Variants in XIRP2 observed in about 807,000 individuals in gnomAD.
XIRP2 encodes the protein xin actin binding repeat containing 2.
In XIRP2, 236 loss-of-function variants were observed where a neutral mutation model predicts 277.0. The ratio of observed to expected loss-of-function variants is 0.85; its 90% CI spans 0.77 to 0.95. The LOEUF (loss-of-function observed/expected upper bound fraction) is 0.95. Among genes scored for constraint, XIRP2 ranks in the 40% least tolerant of loss-of-function variants. The pLI, the probability that XIRP2 is intolerant of heterozygous loss-of-function variation, is 0.00. For missense variants in XIRP2, 4,640 were observed against 4,157.5 expected (o/e 1.12, Z -3.19); for synonymous variants, 1,490 against 1,416.5 (o/e 1.05, Z -1.17).
rs539652335 is a variant in XIRP2, at chr2:167,086,203, G to T, written c.409-49706G>T. ...ATTTTATTTCTCCTGCACTTATGAAGCTTAGTTTGGCTGGATATGAAATTC... is the reference window on the plus strand; with the variant it reads ...ATTTTATTTCTCCTGCACTTATGAATCTTAGTTTGGCTGGATATGAAATTC... On this transcript the variant is annotated intron_variant, in intron 2 of 10. Coordinates refer to ENST00000409195, the MANE Select transcript of XIRP2 (RefSeq NM_152381.6). Among the ~76,000 whole-genome samples the T allele has an allele frequency of 1.7e-3, 261 of 152,068 alleles. 3 individuals are homozygous for T. Among genetic ancestry groups the T allele is most frequent in the African/African-American group, 5.5e-3 (230 of 41,496 alleles).
intron 3 of XIRP2, among the ~76,000 whole-genome samples, chr2:167,146,065 G>C (rs559126848): frequency 7.0e-4 from 105 of 150,494 alleles, no homozygotes; most frequent in African/African-American, 2.5e-3. Context: ...TAAAAACCAA[G>C]AGCCAGTCAG....
intron 2 of XIRP2, among the ~76,000 whole-genome samples, chr2:167,044,883 C>A (rs1688748932): frequency 6.6e-6 from 1 of 151,032 alleles, no homozygotes; most frequent in South Asian, 2.1e-4. Context: ...TCATTTTTCA[C>A]AGAATTAGAA....
chr2:167,012,615 C>G (rs1659913472), intron 2 of XIRP2, among the ~76,000 whole-genome samples: 1 of 151,524 alleles, frequency 6.6e-6, no homozygotes, highest in African/African-American at 2.4e-5. Flanking sequence ...ATATACTCAC[C>G]TTTCTTTATG....
intron 2 of XIRP2, among the ~76,000 whole-genome samples, chr2:167,086,115 G>T (rs888574485): frequency 1.6e-4 from 25 of 151,930 alleles, no homozygotes; most frequent in Admixed American, 3.9e-4. Flanking sequence ...ACTTCCTTCA[G>T]GAGCTCTTTT....
chr2:167,036,542 G>C (rs1313024356), intron 2 of XIRP2, among the ~76,000 whole-genome samples: 1 of 152,050 alleles, frequency 6.6e-6, no homozygotes, highest in African/African-American at 2.4e-5. Context: ...TTGTATCTAG[G>C]GAGTAACTAG....
intron 2 of XIRP2, among the ~76,000 whole-genome samples, chr2:167,084,326 T>A (rs1689853793): frequency 6.6e-6 from 1 of 152,330 alleles, no homozygotes; most frequent in Non-Finnish European, 1.5e-5. Context: ...TTTGATGTGC[T>A]GCTGGATTCG....
chr2:167,057,135 AATC>A (rs533104173), intron 2 of XIRP2, among the ~76,000 whole-genome samples: 3 of 152,048 alleles, frequency 2.0e-5, no homozygotes, highest in South Asian at 2.1e-4. Context: ...TCATCAACAC[AATC>A]ATCATCATCA....
At chr2:166,897,798 G>A (rs545654701) in intron 1 of XIRP2, among the ~76,000 whole-genome samples, 2 of 152,178 alleles carry the variant, frequency 1.3e-5, no homozygotes, top group African/African-American at 2.4e-5. Context: ...GGCAGGCCAA[G>A]CAGATAATCA....
rs1284643753 is a variant in XIRP2, at chr2:167,244,346, C to A, written c.2954C>A (p.Thr985Lys). 2 of 1,613,584 alleles carry A rather than the reference C, an allele frequency of 1.2e-6. No individual in the cohort carries two copies. Among genetic ancestry groups the A allele is most frequent in the African/African-American group, 1.3e-5 (1 of 74,888 alleles). ...GAGTTAAATAAATCTCTCTTCGAGACAACACCACTGTATGCCATTCAAGAT... is the reference window on the plus strand; with the variant it reads ...GAGTTAAATAAATCTCTCTTCGAGAAAACACCACTGTATGCCATTCAAGAT... ...AVELNKSLFE[T>K]TPLYAIQDPL... The change falls in exon 9 of 11, where the codon ACA (threonine) becomes AAA (lysine). Residue 985 changes from threonine (T) to lysine (K), a missense_variant. By Grantham distance (78) the Thr-to-Lys change is moderately conservative. Transcript: ENST00000409195.
At chr2:166,905,991 T>C (rs761194437) in intron 2 of XIRP2, among the ~76,000 whole-genome samples, 3 of 152,020 alleles carry the variant, frequency 2.0e-5, no homozygotes, top group Non-Finnish European at 4.4e-5. Context: ...AGTGCTTCAT[T>C]ATAAAGTCAT....
At chr2:167,123,833 C>T (rs1204409671) in intron 2 of XIRP2, 1 of 152,140 alleles carries the variant, frequency 6.6e-6, no homozygotes, top group Non-Finnish European at 1.5e-5. Flanking sequence ...TCTCCAAATA[C>T]AAGCATATTC....
intron 2 of XIRP2, among the ~76,000 whole-genome samples, chr2:166,955,429 G>C (rs1336182620): frequency 6.6e-6 from 1 of 151,808 alleles, no homozygotes; most frequent in Non-Finnish European, 1.5e-5. Context: ...TGAGGGGCAA[G>C]AGGATTAACA....
intron 2 of XIRP2, among the ~76,000 whole-genome samples, chr2:167,093,303 C>T (rs943757201): frequency 6.6e-6 from 1 of 151,258 alleles, no homozygotes; most frequent in Non-Finnish European, 1.5e-5. Flanking sequence ...TACAGATGTA[C>T]ATAAGTTTGT....
intron 2 of XIRP2, among the ~76,000 whole-genome samples, chr2:166,950,300 A>T (rs1685993851): frequency 6.6e-6 from 1 of 152,072 alleles, no homozygotes. Flanking sequence ...AATCTCAAGT[A>T]CTTGTTGTCA....
chr2:166,934,739 G>A (rs1186357411), intron 2 of XIRP2, among the ~76,000 whole-genome samples: 1 of 152,156 alleles, frequency 6.6e-6, no homozygotes, highest in African/African-American at 2.4e-5. Context: ...CAGGCTGGGT[G>A]TGGTGGCTCA....
intron 2 of XIRP2, among the ~76,000 whole-genome samples, chr2:166,975,856 T>G (rs555917975): frequency 6.2e-5 from 8 of 129,484 alleles, no homozygotes; most frequent in South Asian, 2.5e-4. Context: ...GCGTGAACCC[T>G]GGAGGCGGAG....
At chr2:167,057,353 G>A (rs1215140410) in intron 2 of XIRP2, among the ~76,000 whole-genome samples, 1 of 152,070 alleles carries the variant, frequency 6.6e-6, no homozygotes, top group African/African-American at 2.4e-5. Flanking sequence ...CACACTAGGA[G>A]ATTTGTTTCA....
At chr2:166,962,580 AG>A (rs1321871142) in intron 2 of XIRP2, among the ~76,000 whole-genome samples, 1 of 151,824 alleles carries the variant, frequency 6.6e-6, no homozygotes, top group East Asian at 1.9e-4. Context: ...TAAGCAAAAA[AG>A]AAAAAGTAGG....
intron 2 of XIRP2, among the ~76,000 whole-genome samples, chr2:167,042,312 A>C (rs1688677908): frequency 6.6e-6 from 1 of 152,162 alleles, no homozygotes. Flanking sequence ...AAAAAACATA[A>C]TGACAGGATC....
Sources: gnomAD v4.1 joint callset for allele counts (sites outside exome capture counted in the v4.1 genomes callset) on GRCh38, gnomAD v4.1.1 for gene constraint, MANE v1.5 for transcripts, NCBI Gene and HGNC (gene_info 2026-07-23, HGNC 2026-07-21) for gene names.